BCAT1: variants seen among roughly 807,000 people sequenced by gnomAD.
BCAT1 encodes branched-chain-amino-acid aminotransferase, cytosolic.
Under a neutral mutation model 52.4 loss-of-function variants are expected in BCAT1, and 48 were observed. The ratio of observed to expected loss-of-function variants is 0.92; its 90% CI spans 0.73 to 1.16. The LOEUF is 1.16. BCAT1 is among the 50% of genes most tolerant of loss of function. The pLI is 0.00. For synonymous variants in BCAT1, 167 were observed against 161.3 expected (o/e 1.04, Z -0.27); for missense variants, 451 against 457.1 (o/e 0.99, Z 0.12).
intron 6 of BCAT1, among the ~76,000 whole-genome samples, chr12:24,847,388 G>A (rs1180143563): frequency 1.3e-5 from 2 of 152,132 alleles, no homozygotes; most frequent in African/African-American, 4.8e-5. Flanking sequence ...CTGAAGTCTA[G>A]AGTTTTCATT....
chr12:24,894,941 G>A (rs150503723), intron 2 of BCAT1, among the ~76,000 whole-genome samples: 1 of 152,326 alleles, frequency 6.6e-6, no homozygotes, highest in East Asian at 1.9e-4. Context: ...CCAAAGAATT[G>A]TTGGCATAAG....
chr12:24,919,473 C>A (rs866872515), intron 1 of BCAT1, among the ~76,000 whole-genome samples: 9 of 152,248 alleles, frequency 5.9e-5, no homozygotes, highest in South Asian at 2.1e-4. Flanking sequence ...GGGTAAACCA[C>A]CTAATGTCTC....
At chr12:24,924,340 G>A (rs1319353029) in intron 1 of BCAT1, among the ~76,000 whole-genome samples, 1 of 152,216 alleles carries the variant, frequency 6.6e-6, no homozygotes, top group Admixed American at 6.5e-5. Context: ...AAGAAAGGTT[G>A]TCAGAGAATG....
intron 1 of BCAT1, among the ~76,000 whole-genome samples, chr12:24,936,144 T>A (rs886266413): frequency 1.3e-4 from 20 of 152,216 alleles, no homozygotes; most frequent in Admixed American, 1.0e-3. Context: ...TCTGTTACAG[T>A]AGCACACCAT....
At chr12:24,903,726 G>A (rs184432583) in intron 1 of BCAT1, 2 of 152,284 alleles carry the variant, frequency 1.3e-5, no homozygotes, top group South Asian at 4.1e-4. Context: ...ATAGTTTTCC[G>A]ATGTAGGCTC....
In BCAT1 at chr12:24,832,876, T is replaced by TA. The variant is rs1189969347; in HGVS notation, c.904-14dup. On this transcript the variant is annotated splice_polypyrimidine_tract_variant and intron_variant, in intron 8 of 10. Transcript: ENST00000261192. The stretch of plus-strand genomic sequence containing the variant: ...CCTTAAATTCACCCTGCATGGAATA[T>TA]AAAAAATAACAAGTATATTTTAAAG... 3 of 1,596,848 alleles carry TA rather than the reference T, an allele frequency of 1.9e-6. No homozygotes were observed. The South Asian group carries it at 3.4e-5, about 18-fold the overall frequency.
At chr12:24,909,444 G>A (rs1943279903) in intron 1 of BCAT1, among the ~76,000 whole-genome samples, 1 of 152,216 alleles carries the variant, frequency 6.6e-6, no homozygotes, top group Non-Finnish European at 1.5e-5. Context: ...TGTGTATGTA[G>A]TTACTGTATC....
chr12:24,849,803 C>G lies in BCAT1; in HGVS notation c.657G>C (p.Gly219=), dbSNP rs1403040695. ...TTACTTACCCTCCCATCTTGCAGTC[C>G]CCAGTTCCACCTTTCCAGGCTCTTA... ...KYVRAWKGGT[G]DCKMGGNYGS... is the part of the protein sequence containing the mutation. The change falls in exon 6 of 11, where the codon GGG becomes GGC. Residue 219 remains glycine, a synonymous_variant. Transcript: ENST00000261192. 1 of 1,610,994 alleles carries G rather than the reference C, an allele frequency of 6.2e-7. No homozygotes were observed. Among genetic ancestry groups the G allele is most frequent in the East Asian group, 2.2e-5 (1 of 44,790 alleles).
At chr12:24,836,656 C>A in intron 7 of BCAT1, 60 bp from the exon 8 acceptor site, 2 of 1,346,004 alleles carry the variant, frequency 1.5e-6, no homozygotes, top group South Asian at 2.5e-5. Context: ...GCCTTATTAT[C>A]AATAGCCATT....
At chr12:24,887,104 T>TATATAC (rs1358838036) in intron 3 of BCAT1, among the ~76,000 whole-genome samples, 3 of 99,202 alleles carry the variant, frequency 3.0e-5, no homozygotes, top group Non-Finnish European at 5.8e-5. Context: ...TATATATATA[T>TATATAC]ATATATAAAG....
At chr12:24,910,108 T>C (rs891479882) in intron 1 of BCAT1, among the ~76,000 whole-genome samples, 3 of 152,182 alleles carry the variant, frequency 2.0e-5, no homozygotes, top group African/African-American at 7.2e-5. Flanking sequence ...GCACAGTGGC[T>C]CACACCTGTA....
intron 3 of BCAT1, among the ~76,000 whole-genome samples, chr12:24,887,080 A>AAAAAAAAAAAAAAATAT (rs1245203518): frequency 3.9e-4 from 16 of 40,742 alleles, no homozygotes; most frequent in East Asian, 7.6e-4. Context: ...AAAAAAAAAA[A>AAAAAAAAAAAAAAATAT]ATATATATAT....
chr12:24,863,301 T>C (rs1458160902), intron 5 of BCAT1, among the ~76,000 whole-genome samples: 2 of 152,264 alleles, frequency 1.3e-5, no homozygotes, highest in Non-Finnish European at 2.9e-5. Flanking sequence ...CAGGGCTCGA[T>C]ATTTTTAAGC....
chr12:24,900,553 A>T (rs1943074360), intron 2 of BCAT1, among the ~76,000 whole-genome samples: 1 of 152,264 alleles, frequency 6.6e-6, no homozygotes, highest in African/African-American at 2.4e-5. Flanking sequence ...GTGCCACTGC[A>T]CTTCAGTCTG....
At chr12:24,836,957 AAGAG>A (rs200148883) in intron 7 of BCAT1, among the ~76,000 whole-genome samples, 5,020 of 71,388 alleles carry the variant, frequency 0.07, 324 homozygotes, top group Non-Finnish European at 0.096. Context: ...AAAGAAAGAA[AAGAG>A]AAAGAAAGAA....
chr12:24,941,697 A>G (rs1943851607), intron 1 of BCAT1, among the ~76,000 whole-genome samples: 1 of 152,236 alleles, frequency 6.6e-6, no homozygotes, highest in South Asian at 2.1e-4. Flanking sequence ...AGGAAAAGGT[A>G]AAAAGCACAG....
At chr12:24,843,073 C>T (rs1184236191) in intron 6 of BCAT1, among the ~76,000 whole-genome samples, 4 of 152,110 alleles carry the variant, frequency 2.6e-5, no homozygotes, top group East Asian at 1.9e-4. Flanking sequence ...GAAGTACTGC[C>T]GTAAGACAGT....
Position 24,813,501 on chromosome 12 carries a change from A to T in BCAT1, c.*4507T>A, listed in dbSNP as rs932134991. 2.4e-4 allele frequency: 36 copies of T among 151,988 alleles called. No homozygotes were observed. The highest frequency in any genetic ancestry group is 6.6e-4 in the Admixed American group (10 of 15,250). The allele number at this position is 151,988 out of a possible 1,614,324, so 9.4% of individuals were successfully genotyped here. A position where few individuals can be genotyped will look rare whatever the true frequency, so the allele number is the denominator to read the frequency against. On this transcript the variant is annotated 3_prime_UTR_variant, in exon 11 of 11. Coordinates refer to ENST00000261192, the MANE Select transcript of BCAT1 (RefSeq NM_005504.7). ...CATTTTCTTTGTTTATTTCCATCTA[A>T]TCTGGCTTTGCTGAGAAAATCAGCA...
At chr12:24,860,717 A>G (rs1203969983) in intron 5 of BCAT1, among the ~76,000 whole-genome samples, 2 of 152,200 alleles carry the variant, frequency 1.3e-5, no homozygotes, top group African/African-American at 4.8e-5. Flanking sequence ...CTGGCCTCAT[A>G]CCTTGTCTAT....
Sources: allele counts gnomAD v4.1 joint callset (sites outside exome capture counted in the v4.1 genomes callset), GRCh38; gene constraint gnomAD v4.1.1; transcripts MANE v1.5; gene names NCBI Gene and HGNC (gene_info 2026-07-23, HGNC 2026-07-21).